Variants in CCDC146 observed in about 807,000 individuals in gnomAD.
CCDC146 encodes the protein coiled-coil domain containing 146.
In CCDC146, 92 loss-of-function variants were observed where a neutral mutation model predicts 119.3. The ratio of observed to expected loss-of-function variants is 0.77; its 90% confidence interval spans 0.65 to 0.92. The LOEUF (loss-of-function observed/expected upper bound fraction) is 0.92, where lower values mean the gene tolerates loss of function less well. Among genes scored for constraint, CCDC146 ranks in the 40% least tolerant of loss-of-function variants. CCDC146 has a pLI of 0.00. For missense variants in CCDC146, 1,000 were observed against 1,103.0 expected (o/e 0.91, Z 1.32); for synonymous variants, 372 against 371.8 (o/e 1.00, Z -0.01).
intron 1 of CCDC146, among the ~76,000 whole-genome samples, chr7:77,156,214 A>C (rs1791177426): frequency 6.6e-6 from 1 of 152,218 alleles, no homozygotes; most frequent in South Asian, 2.1e-4. Flanking sequence ...TTAACTTTAA[A>C]GGCCAGATAT....
intron 1 of CCDC146, among the ~76,000 whole-genome samples, chr7:77,164,732 G>C (rs965556085): frequency 5.9e-5 from 9 of 152,174 alleles, no homozygotes; most frequent in African/African-American, 1.9e-4. Flanking sequence ...CCCCATTTTA[G>C]AGAGGAGTAA....
chr7:77,291,223 G>C (rs1286927242), intron 17 of CCDC146, among the ~76,000 whole-genome samples: 1 of 152,186 alleles, frequency 6.6e-6, no homozygotes, highest in Non-Finnish European at 1.5e-5. Flanking sequence ...AGTGTTGCCA[G>C]GTAGAAGGTA....
Position 77,273,750 on chromosome 7 carries a change from CAAGG to C in CCDC146, c.1234_1237del (p.Glu412LeufsTer3), listed in dbSNP as rs1270222193. On this transcript the variant is annotated frameshift_variant, in exon 10 of 19. Coordinates refer to ENST00000285871, the MANE Select transcript of CCDC146 (RefSeq NM_020879.3). LOFTEE classifies it high-confidence loss of function. Reference sequence around the variant, plus strand: ...TATCTGAGAGAAGGCGAGAGCTTCACAAGGAAGTTGAAGTAGCTAAGAGGAATTT... The same window carrying C: ...TATCTGAGAGAAGGCGAGAGCTTCACAAGTTGAAGTAGCTAAGAGGAATTT... 10 of 1,610,366 alleles carry C rather than the reference CAAGG, an allele frequency of 6.2e-6. No individual in the cohort carries two copies. The highest frequency in any genetic ancestry group is 8.5e-6 in the Non-Finnish European group (10 of 1,177,604).
intron 2 of CCDC146, among the ~76,000 whole-genome samples, chr7:77,205,547 C>G (rs1379567277): frequency 6.6e-6 from 1 of 152,194 alleles, no homozygotes; most frequent in Non-Finnish European, 1.5e-5. Context: ...CACTTGAGCT[C>G]AGGAGTTTGA....
In CCDC146 at chr7:77,241,481, C is replaced by G. The variant is rs191154031; in HGVS notation, c.240-210C>G. Among the ~76,000 whole-genome samples, 230 of 150,092 alleles carry G rather than the reference C, an allele frequency of 1.5e-3. 83 individuals carry two copies. Among genetic ancestry groups the G allele is most frequent in the South Asian group, 3.6e-3 (17 of 4,668 alleles). On this transcript the variant is annotated intron_variant, in intron 3 of 18. Coordinates refer to ENST00000285871, the MANE Select transcript of CCDC146 (RefSeq NM_020879.3). The stretch of plus-strand genomic sequence containing the variant: ...GAATACCACAAAGGTGAAGCAGACT[C>G]AATTTTTTAACAAAAATTTTCCCTC...
intron 2 of CCDC146, among the ~76,000 whole-genome samples, chr7:77,184,751 T>C (rs1429015257): frequency 6.6e-6 from 1 of 152,154 alleles, no homozygotes; most frequent in African/African-American, 2.4e-5. Flanking sequence ...TTGACTTAGC[T>C]GCAGGAAGAA....
intron 2 of CCDC146, among the ~76,000 whole-genome samples, chr7:77,202,986 A>G (rs1212398510): frequency 6.6e-6 from 1 of 151,572 alleles, no homozygotes; most frequent in East Asian, 1.9e-4. Flanking sequence ...GCTTAGATCA[A>G]TGGAGAGCCA....
chr7:77,236,102 C>T (rs1792731846), intron 2 of CCDC146, among the ~76,000 whole-genome samples: 1 of 66,642 alleles, frequency 1.5e-5, no homozygotes, highest in Non-Finnish European at 5.3e-5. Context: ...AATGTAAGAA[C>T]AACAGGGCTG....
intron 1 of CCDC146, among the ~76,000 whole-genome samples, chr7:77,163,847 CTTTCTTTTTTTTCTTTTT>C (rs1225406165): frequency 1.5e-5 from 2 of 132,886 alleles, no homozygotes; most frequent in Non-Finnish European, 3.1e-5. Flanking sequence ...TTCTTTCTTT[CTTTCTTTTTTTTCTTTTT>C]TTTTTTTTTT....
At chr7:77,145,591 G>A (rs1335631120) in intron 1 of CCDC146, among the ~76,000 whole-genome samples, 3 of 152,116 alleles carry the variant, frequency 2.0e-5, no homozygotes, top group African/African-American at 7.2e-5. Context: ...TGCTTTAAAT[G>A]TGTCCCAGAG....
chr7:77,262,026 G>A, intron 8 of CCDC146, 95 bp from the exon 9 acceptor site: 1 of 1,001,078 alleles, frequency 1.0e-6, no homozygotes, highest in Non-Finnish European at 1.5e-6. Context: ...GAGATTGGGA[G>A]CCAATATTCA....
chr7:77,149,543 A>G (rs1584025998), intron 1 of CCDC146, among the ~76,000 whole-genome samples: 1 of 152,108 alleles, frequency 6.6e-6, no homozygotes, highest in African/African-American at 2.4e-5. Context: ...AGGTGGGTGG[A>G]TAACTTGAGG....
At chr7:77,182,030 G>C (rs1791597740) in intron 2 of CCDC146, among the ~76,000 whole-genome samples, 1 of 152,154 alleles carries the variant, frequency 6.6e-6, no homozygotes, top group South Asian at 2.1e-4. Flanking sequence ...ATTACCTTCT[G>C]AGGCAAAATT....
chr7:77,198,388 C>A, intron 2 of CCDC146: 2 of 917,496 alleles, frequency 2.2e-6, no homozygotes, highest in Non-Finnish European at 2.6e-6. Flanking sequence ...GTCCCAGTGA[C>A]TCAGGTGAAA....
At chr7:77,200,498 T>A (rs1480240921) in intron 2 of CCDC146, among the ~76,000 whole-genome samples, 1 of 152,240 alleles carries the variant, frequency 6.6e-6, no homozygotes, top group Admixed American at 6.5e-5. Flanking sequence ...TTGTCTTTCA[T>A]CAAAACCAGT....
chr7:77,217,765 A>G (rs1428114977), intron 2 of CCDC146, among the ~76,000 whole-genome samples: 1 of 152,184 alleles, frequency 6.6e-6, no homozygotes, highest in Non-Finnish European at 1.5e-5. Flanking sequence ...CTCCTAGGCT[A>G]CAAGTCTGTA....
At chr7:77,213,142 G>C (rs1017394080) in intron 2 of CCDC146, among the ~76,000 whole-genome samples, 29 of 151,996 alleles carry the variant, frequency 1.9e-4, no homozygotes, top group African/African-American at 7.0e-4. Context: ...CCAGGCTGGA[G>C]TGCAGTGGCG....
At chr7:77,198,338 G>A (rs1791914921) in intron 2 of CCDC146, 5 of 984,756 alleles carry the variant, frequency 5.1e-6, no homozygotes, top group Non-Finnish European at 6.0e-6. Context: ...GTCCAAATGC[G>A]GAGATGGCTT....
At chr7:77,209,826 A>G (rs1402691821) in intron 2 of CCDC146, among the ~76,000 whole-genome samples, 1 of 152,084 alleles carries the variant, frequency 6.6e-6, no homozygotes, top group Non-Finnish European at 1.5e-5. Context: ...CTCTGAAACA[A>G]CAGCCCATTC....
Sources: allele counts gnomAD v4.1 joint callset (sites outside exome capture counted in the v4.1 genomes callset), GRCh38; gene constraint gnomAD v4.1.1; transcripts MANE v1.5; gene names NCBI Gene and HGNC (gene_info 2026-07-23, HGNC 2026-07-21).